Variants in FCHSD1 observed in about 807,000 individuals in gnomAD.
FCHSD1 encodes FCH and double SH3 domains 1, also known as F-BAR and double SH3 domains protein 1.
In FCHSD1, 109 loss-of-function variants were observed where a neutral mutation model predicts 101.3. The observed-to-expected ratio is 1.08, with a 90% confidence interval of 0.92 to 1.26. FCHSD1 has a LOEUF of 1.26. FCHSD1 is among the 50% of genes most tolerant of loss of function. FCHSD1 has a pLI of 0.00. For missense variants in FCHSD1, 820 were observed against 895.8 expected (o/e 0.92, Z 1.08); for synonymous variants, 291 against 356.8 (o/e 0.82, Z 2.08).
At position 141,644,227 on chromosome 5, in the gene FCHSD1, G is replaced by T; in HGVS notation, c.1854C>A (p.Asp618Glu). The change falls in exon 17 of 20, where the codon GAC (aspartate) becomes GAA (glutamate). Residue 618 changes from aspartate (D) to glutamate (E), a missense_variant. Transcript: ENST00000435817. ...LGPPGPPELS[D>E]PEQMLPSPSP... ...AGAAGGTAAGCCTCACCTGTTCAGGGTCAGAGAGTTCAGGTGGCCCTGGGG... is the reference window on the plus strand; with the variant it reads ...AGAAGGTAAGCCTCACCTGTTCAGGTTCAGAGAGTTCAGGTGGCCCTGGGG... The T allele has an allele frequency of 6.2e-7, 1 of 1,611,316 alleles. No homozygotes were observed. The highest frequency in any genetic ancestry group is 1.1e-5 in the South Asian group (1 of 90,532).
In FCHSD1 at chr5:141,647,515, C is replaced by T. The variant is rs1227707028; in HGVS notation, c.711G>A (p.Leu237=). The change falls in exon 9 of 20, where the codon CTG becomes CTA. Residue 237 remains leucine, a synonymous_variant. Coordinates refer to ENST00000435817, the MANE Select transcript of FCHSD1 (RefSeq NM_033449.3). ...QEELPALLKA[L]VSELSEHLRD... ...TCAAGTGCTCTGACAGCTCACTGAC[C>T]AGGGCCTAGAGAGAACCCCAAGATA... is the stretch of plus-strand genomic sequence containing the variant. 8 of 1,612,700 alleles carry T rather than the reference C, an allele frequency of 5.0e-6. No individual in the cohort carries two copies. Among genetic ancestry groups the T allele is most frequent in the Middle Eastern group, 1.7e-4 (1 of 6,056 alleles).
Position 141,646,447 on chromosome 5 carries a change from C to T in FCHSD1, c.1044+156G>A, listed in dbSNP as rs1253962288. Reference sequence around the variant, plus strand: ...ACCTATGTCGGTCTAGCTCCAAAAACTGTGCTCTTAACTATTGTGCCACAC... The same window carrying T: ...ACCTATGTCGGTCTAGCTCCAAAAATTGTGCTCTTAACTATTGTGCCACAC... On this transcript the variant is annotated intron_variant, in intron 11 of 19. Transcript: ENST00000435817. 4 of 1,237,886 alleles carry T rather than the reference C, an allele frequency of 3.2e-6. No individual in the cohort carries two copies. In the Admixed American group the frequency reaches 1.0e-4, roughly 31 times the overall value. The allele number at this position is 1,237,886 out of a possible 1,614,324, so 76.7% of individuals were successfully genotyped here.
chr5:141,648,019 G>C lies in FCHSD1; in HGVS notation c.654C>G (p.Thr218=). ...GGTAGTAATGGTCGAGGTGGGCATT[G>C]GTAGCCACCAAGTTAAGCAGGTACT... The part of the protein sequence containing the change: ...RNEYLLNLVA[T]NAHLDHYYQE... The change falls in exon 8 of 20, where the codon ACC becomes ACG. Residue 218 remains threonine (T), a synonymous_variant. Transcript: ENST00000435817. 1 of 1,613,490 alleles carries C rather than the reference G, an allele frequency of 6.2e-7. No individual in the cohort carries two copies. The highest frequency in any genetic ancestry group is 2.2e-5 in the East Asian group (1 of 44,884).
intron 18 of FCHSD1, chr5:141,642,097 C>T: frequency 2.0e-6 from 1 of 512,300 alleles, no homozygotes; most frequent in Non-Finnish European, 3.5e-6. Flanking sequence ...GTGGTAACTC[C>T]AGGGAGGGAG....
Position 141,639,712 on chromosome 5 carries a change from T to G in FCHSD1, c.*1786A>C. ...GGGGGCCCAGTGATCAGGCACCTGATCCCAAAAGTGGGCCTTGGCTCTTTC... is the reference window on the plus strand; with the variant it reads ...GGGGGCCCAGTGATCAGGCACCTGAGCCCAAAAGTGGGCCTTGGCTCTTTC... On this transcript the variant is annotated 3_prime_UTR_variant, in exon 20 of 20. Coordinates refer to ENST00000435817, the MANE Select transcript of FCHSD1 (RefSeq NM_033449.3). The surrounding 1 kb of genome is among the most constrained non-coding windows in gnomAD (Gnocchi z 4.4). The G allele has an allele frequency of 6.7e-7, 1 of 1,492,028 alleles. No individual in the cohort carries two copies. Among genetic ancestry groups the G allele is most frequent in the Admixed American group, 2.0e-5 (1 of 49,404 alleles). 92.4% of individuals were successfully genotyped at this position (1,492,028 alleles called of 1,614,324 possible). A position where few individuals can be genotyped will look rare whatever the true frequency, so the allele number is the denominator to read the frequency against.
intron 9 of FCHSD1, 57 bp from the exon 10 acceptor site, chr5:141,647,287 C>T: frequency 6.4e-7 from 1 of 1,566,878 alleles, no homozygotes; most frequent in Non-Finnish European, 8.7e-7. Flanking sequence ...CCAACCCTGT[C>T]CCTAGCACTT....
chr5:141,650,116 AC>A (rs1220901673), intron 3 of FCHSD1, among the ~76,000 whole-genome samples, 162 bp from the exon 4 acceptor site: 1 of 152,162 alleles, frequency 6.6e-6, no homozygotes, highest in Admixed American at 6.5e-5. Context: ...CCTTACAACA[AC>A]CCTACATGAA....
At position 141,649,533 on chromosome 5, in the gene FCHSD1, GC is replaced by G; in HGVS notation, c.236del (p.Gly79AlafsTer32). 6.2e-7 allele frequency: 1 copy of G among 1,611,546 alleles called. No individual in the cohort carries two copies. Among genetic ancestry groups the G allele is most frequent in the Non-Finnish European group, 8.5e-7 (1 of 1,179,362 alleles). On this transcript the variant is annotated frameshift_variant and splice_region_variant, in exon 5 of 20. Transcript: ENST00000435817. LOFTEE classifies it high-confidence loss of function. The surrounding 1 kb of genome is among the most constrained non-coding windows in gnomAD (Gnocchi z 4.1). Reference protein sequence around the residue: ...GHRSGEMDSRGRTVFGAWRCL... With the variant: ...GHRSGEMDSRXRTVFGAWRCL... ...AGCGCCAGGCACCGAACACTGTCCTGCCCCTCCCCAGAGAAGGTCTGTGTTG... is the reference window on the plus strand; with the variant it reads ...AGCGCCAGGCACCGAACACTGTCCTGCCCTCCCCAGAGAAGGTCTGTGTTG...
chr5:141,651,294 A>G, intron 1 of FCHSD1, 54 bp downstream of exon 1: 1 of 1,550,954 alleles, frequency 6.4e-7, no homozygotes, highest in South Asian at 1.2e-5. Flanking sequence ...ATGCCCCCTT[A>G]GCTCCCTCCG....
intron 18 of FCHSD1, 51 bp from the exon 19 acceptor site, chr5:141,641,808 T>C (rs2099906931): frequency 1.9e-6 from 3 of 1,578,898 alleles, no homozygotes; most frequent in African/African-American, 1.3e-5. Flanking sequence ...TGTTCAATGC[T>C]GTATCTCCAG....
In FCHSD1 at chr5:141,641,509, G is replaced by C; in HGVS notation, c.2062C>G (p.Pro688Ala). 6.7e-7 allele frequency: 1 copy of C among 1,502,726 alleles called. No individual in the cohort carries two copies. The highest frequency in any genetic ancestry group is 8.9e-7 in the Non-Finnish European group (1 of 1,126,244). The allele number at this position is 1,502,726 out of a possible 1,614,324, so 93.1% of individuals were successfully genotyped here. ...GGCTTCCCTGGCCTTCAGGTGAGGG[G>C]ATCTGGGTGGCCAGGATCCGGGGCT... ...AKAPDPGHPD[P>A]LT Residue 688 changes from proline (P) to alanine (A), a missense_variant, in exon 20 of 20, where the codon CCC (proline) becomes GCC (alanine). By Grantham distance (27) the Pro-to-Ala change is conservative. Coordinates refer to ENST00000435817, the MANE Select transcript of FCHSD1 (RefSeq NM_033449.3).
intron 2 of FCHSD1, 93 bp downstream of exon 2, chr5:141,650,927 G>T: frequency 8.1e-7 from 1 of 1,241,836 alleles, no homozygotes; most frequent in Non-Finnish European, 1.2e-6. Context: ...GGAGCTCTTG[G>T]CCCCTGTTCC....
rs1430273474 is a variant in FCHSD1, at chr5:141,651,063, G to A, written c.76C>T (p.Gln26Ter). 1.3e-6 allele frequency: 2 copies of A among 1,599,386 alleles called. No individual in the cohort carries two copies. Among genetic ancestry groups the A allele is most frequent in the East Asian group, 2.3e-5 (1 of 44,344 alleles). Residue 26 changes from glutamine (Q) to a stop codon, truncating the protein, a stop_gained, in exon 2 of 20, where the codon CAG (glutamine) becomes TAG (stop). Coordinates refer to ENST00000435817, the MANE Select transcript of FCHSD1 (RefSeq NM_033449.3). LOFTEE classifies it high-confidence loss of function. ...TCCGCCTCCCTCTGCTGCCAGGTCTGAAGGATGCTCAGCTGTTCCAGGAAG... is the reference window on the plus strand; with the variant it reads ...TCCGCCTCCCTCTGCTGCCAGGTCTAAAGGATGCTCAGCTGTTCCAGGAAG... ...LRFLEQLSILQTWQQREADLL... is the reference protein window; with the variant it reads ...LRFLEQLSIL
Position 141,639,651 on chromosome 5 carries a change from TG to T in FCHSD1, c.*1846del, listed in dbSNP as rs748083136. The T allele has an allele frequency of 1.3e-5, 20 of 1,594,754 alleles. No homozygotes were observed. In the South Asian group the frequency reaches 2.2e-4, roughly 18 times the overall value. The stretch of plus-strand genomic sequence containing the variant: ...GACCACTGTGTTCTCTGTGGGCAGG[TG>T]GGGCAGGTGCTCCAGGGAAAGGGGG... On this transcript the variant is annotated 3_prime_UTR_variant, in exon 20 of 20. Coordinates refer to ENST00000435817, the MANE Select transcript of FCHSD1 (RefSeq NM_033449.3). The surrounding 1 kb of genome is among the most constrained non-coding windows in gnomAD (Gnocchi z 4.4).
At position 141,640,908 on chromosome 5, in the gene FCHSD1, A is replaced by G. The variant is rs985318706; in HGVS notation, c.*590T>C. The G allele has an allele frequency of 1.3e-5, 7 of 550,200 alleles. No individual in the cohort carries two copies. Among genetic ancestry groups the G allele is most frequent in the Admixed American group, 3.3e-5 (1 of 30,320 alleles). The allele number at this position is 550,200 out of a possible 1,614,324, so 34.1% of individuals were successfully genotyped here. A position where few individuals can be genotyped will look rare whatever the true frequency, so the allele number is the denominator to read the frequency against. On this transcript the variant is annotated 3_prime_UTR_variant, in exon 20 of 20. Coordinates refer to ENST00000435817, the MANE Select transcript of FCHSD1 (RefSeq NM_033449.3). ...CGCCTTCCCCAACACCTCGCTCCAT[A>G]TGATAGAGCGTGGCAGCTGGGAGCA...
chr5:141,642,457 G>A (rs1178010238), intron 18 of FCHSD1: 2 of 676,880 alleles, frequency 3.0e-6, no homozygotes, highest in African/African-American at 3.6e-5. Flanking sequence ...ATCTCCACCA[G>A]TATGCAATAT....
intron 12 of FCHSD1, 59 bp downstream of exon 12, chr5:141,646,028 T>C (rs901576191): frequency 9.7e-6 from 15 of 1,553,042 alleles, no homozygotes; most frequent in East Asian, 2.3e-5. Flanking sequence ...GAAAGAGGAG[T>C]AGAGGGAGTG....
In FCHSD1 at chr5:141,647,539, T is replaced by C. The variant is rs1205754216; in HGVS notation, c.706-19A>G. 2 of 1,611,026 alleles carry C rather than the reference T, an allele frequency of 1.2e-6. No homozygotes were observed. The highest frequency in any genetic ancestry group is 1.7e-6 in the Non-Finnish European group (2 of 1,179,182). ...CCAGGGCCTAGAGAGAACCCCAAGA[T>C]ACTGACACCACCCTTCCCCCAGACC... is the stretch of plus-strand genomic sequence containing the variant. On this transcript the variant is annotated intron_variant, in intron 8 of 19. Transcript: ENST00000435817.
Position 141,649,298 on chromosome 5 carries a change from T to C in FCHSD1, c.386A>G (p.Asn129Ser), listed in dbSNP as rs1202369463. Reference sequence around the variant, plus strand: ...CACCTCAGCCTGCGCCCTCTGGAGGTTCTCTGTTCCCTATTGGGATGCATA... The same window carrying C: ...CACCTCAGCCTGCGCCCTCTGGAGGCTCTCTGTTCCCTATTGGGATGCATA... ...KEQVLRKGTE[N>S]LQRAQAEVLQ... Residue 129 changes from asparagine (N) to serine (S), a missense_variant, in exon 6 of 20, where the codon AAC (asparagine) becomes AGC (serine). Coordinates refer to ENST00000435817, the MANE Select transcript of FCHSD1 (RefSeq NM_033449.3). This position sits in a 1 kb window ranked among gnomAD's most constrained non-coding sequence, Gnocchi z 4.1. 1 of 1,613,942 alleles carries C rather than the reference T, an allele frequency of 6.2e-7. No individual in the cohort carries two copies. Among genetic ancestry groups the C allele is most frequent in the East Asian group, 2.2e-5 (1 of 44,878 alleles).
Sources: allele counts gnomAD v4.1 joint callset (sites outside exome capture counted in the v4.1 genomes callset), GRCh38; gene constraint gnomAD v4.1.1; non-coding constraint Gnocchi (gnomAD v3.1); transcripts MANE v1.5; gene names NCBI Gene and HGNC (gene_info 2026-07-23, HGNC 2026-07-21).